CCDC192: variants seen among roughly 807,000 people sequenced by gnomAD.
The protein encoded by CCDC192 is coiled-coil domain containing 192.
chr5:127,915,131 C>T (rs904708349), intron 6 of CCDC192, among the ~76,000 whole-genome samples: 17 of 152,156 alleles, frequency 1.1e-4, no homozygotes, highest in African/African-American at 3.9e-4. Context: ...AAGTGAGTCA[C>T]ATGATATTTT....
intron 2 of CCDC192, among the ~76,000 whole-genome samples, chr5:127,753,853 G>A (rs1754404333): frequency 6.6e-6 from 1 of 152,144 alleles, no homozygotes; most frequent in South Asian, 2.1e-4. Context: ...GAGGAAACAG[G>A]GTTTCTCTGA....
At chr5:127,833,627 AG>A (rs1749898039) in intron 5 of CCDC192, among the ~76,000 whole-genome samples, 1 of 152,100 alleles carries the variant, frequency 6.6e-6, no homozygotes, top group Non-Finnish European at 1.5e-5. Flanking sequence ...GTTAATATTC[AG>A]GGGGTACCTG....
chr5:127,899,751 A>C (rs1403709486), intron 6 of CCDC192, among the ~76,000 whole-genome samples: 2 of 152,172 alleles, frequency 1.3e-5, no homozygotes, highest in Non-Finnish European at 2.9e-5. Flanking sequence ...TGTTTTCAAA[A>C]TCACAGCAAG....
In CCDC192 at chr5:127,838,922, G is replaced by A. The variant is rs1195748040; in HGVS notation, c.412-36616G>A. Among the ~76,000 whole-genome samples the A allele has an allele frequency of 6.6e-5, 10 of 152,294 alleles. No homozygotes were observed. The East Asian group carries it at 1.5e-3, about 23-fold the overall frequency. Reference sequence around the variant, plus strand: ...AGCCTCAAACACACTGACAGCCTGGGCCTCTTCCCGTGAGATTACATCCCC... The same window carrying A: ...AGCCTCAAACACACTGACAGCCTGGACCTCTTCCCGTGAGATTACATCCCC... On this transcript the variant is annotated intron_variant, in intron 5 of 6. Transcript: ENST00000514853.
At chr5:127,762,948 T>C (rs372446376) in intron 3 of CCDC192, among the ~76,000 whole-genome samples, 19 of 152,338 alleles carry the variant, frequency 1.2e-4, no homozygotes, top group African/African-American at 4.6e-4. Context: ...TGTTTGGTAC[T>C]TCTGTGAATT....
chr5:127,876,552 A>C (rs546193331), intron 6 of CCDC192, among the ~76,000 whole-genome samples: 7 of 152,330 alleles, frequency 4.6e-5, no homozygotes, highest in African/African-American at 1.7e-4. Context: ...GCTATGTCAC[A>C]GTAATATCAA....
intron 5 of CCDC192, among the ~76,000 whole-genome samples, chr5:127,801,139 G>A (rs1296314252): frequency 2.6e-5 from 4 of 152,258 alleles, no homozygotes; most frequent in South Asian, 2.1e-4. Context: ...ATCTGCTGGC[G>A]TGGCAGAGAA....
At chr5:127,851,908 G>C (rs1750814114) in intron 5 of CCDC192, among the ~76,000 whole-genome samples, 1 of 152,172 alleles carries the variant, frequency 6.6e-6, no homozygotes, top group Non-Finnish European at 1.5e-5. Context: ...CAACTGGTTT[G>C]CCAGAATACT....
chr5:127,787,522 C>T (rs181278843), intron 3 of CCDC192, among the ~76,000 whole-genome samples: 6 of 152,216 alleles, frequency 3.9e-5, no homozygotes, highest in African/African-American at 7.2e-5. Context: ...TTTCTGTGTA[C>T]GTGAAAATTT....
At chr5:127,801,300 C>T (rs1315804803) in intron 5 of CCDC192, among the ~76,000 whole-genome samples, 1 of 152,118 alleles carries the variant, frequency 6.6e-6, no homozygotes, top group African/African-American at 2.4e-5. Context: ...AAAATATGTA[C>T]TTGAACCCCT....
chr5:127,920,430 T>TG (rs1398447614), intron 6 of CCDC192, among the ~76,000 whole-genome samples: 5 of 137,838 alleles, frequency 3.6e-5, no homozygotes, highest in African/African-American at 1.5e-4. Flanking sequence ...TTTTTTGAGA[T>TG]GGAGTTTTTG....
intron 5 of CCDC192, among the ~76,000 whole-genome samples, chr5:127,845,253 G>A (rs1269064266): frequency 6.6e-6 from 1 of 152,194 alleles, no homozygotes; most frequent in Non-Finnish European, 1.5e-5. Flanking sequence ...CAGGGAGTGA[G>A]TTGGGATGCT....
intron 2 of CCDC192, among the ~76,000 whole-genome samples, chr5:127,751,934 C>T (rs1278627375): frequency 2.0e-5 from 3 of 152,148 alleles, no homozygotes; most frequent in South Asian, 2.1e-4. Context: ...GCATTCTTCA[C>T]GTAGTTCTCG....
At position 127,821,525 on chromosome 5, in the gene CCDC192, G is replaced by A. The variant is rs370952023; in HGVS notation, c.411+23363G>A. Among the ~76,000 whole-genome samples, 14 of 152,310 alleles carry A rather than the reference G, an allele frequency of 9.2e-5. No individual in the cohort carries two copies. In the South Asian group the frequency reaches 2.1e-3, roughly 23 times the overall value. On this transcript the variant is annotated intron_variant, in intron 5 of 6. Coordinates refer to ENST00000514853, the MANE Select transcript of CCDC192 (RefSeq NM_001317938.2). The stretch of plus-strand genomic sequence containing the variant: ...TTTAAATACTTTAGGGATCTTTAAT[G>A]TAGCTCCCAATCTGGCAACTAAGCT...
At chr5:127,734,926 G>A (rs1281542348) in intron 2 of CCDC192, among the ~76,000 whole-genome samples, 1 of 150,278 alleles carries the variant, frequency 6.7e-6, no homozygotes, top group Non-Finnish European at 1.5e-5. Context: ...AAGCTCTTTA[G>A]TTTAATTAGA....
intron 2 of CCDC192, among the ~76,000 whole-genome samples, chr5:127,727,417 A>G (rs141540283): frequency 6.6e-6 from 1 of 152,082 alleles, no homozygotes; most frequent in East Asian, 1.9e-4. Flanking sequence ...GGTTGCGGAG[A>G]GCTGAGATCA....
chr5:127,713,777 T>C, intron 2 of CCDC192, among the ~76,000 whole-genome samples: 1 of 152,348 alleles, frequency 6.6e-6, no homozygotes, highest in Middle Eastern at 3.4e-3. Context: ...TTTTAATATG[T>C]GTATATAATG....
chr5:127,767,356 G>A (rs1294924000), intron 3 of CCDC192, among the ~76,000 whole-genome samples: 1 of 152,158 alleles, frequency 6.6e-6, no homozygotes, highest in Non-Finnish European at 1.5e-5. Context: ...CTTCGAGAAC[G>A]GTTGTGTAAC....
Position 127,754,319 on chromosome 5 carries a change from T to A in CCDC192, c.166T>A (p.Ser56Thr), listed in dbSNP as rs1201414314. The A allele has an allele frequency of 3.0e-5, 12 of 398,490 alleles. No homozygotes were observed. The highest frequency in any genetic ancestry group is 6.2e-4 in the Middle Eastern group (1 of 1,610). The allele number at this position is 398,490 out of a possible 1,614,324, so 24.7% of individuals were successfully genotyped here. Residue 56 changes from serine to threonine, a missense_variant, in exon 3 of 7, where the codon TCC becomes ACC. Ser to Thr is a moderately conservative substitution (Grantham distance 58). Transcript: ENST00000514853. ...QMAFTLAQLE[S>T]LEICLKEAEE... ...GGCGTTTACCTTGGCCCAACTTGAG[T>A]CCTTGGAGATTTGCCTGAAAGAAGC...
Sources: allele counts gnomAD v4.1 joint callset (sites outside exome capture counted in the v4.1 genomes callset), GRCh38; gene constraint gnomAD v4.1.1; transcripts MANE v1.5; gene names NCBI Gene and HGNC (gene_info 2026-07-23, HGNC 2026-07-21).